AGBL4: variants seen among roughly 807,000 people sequenced by gnomAD.
The protein encoded by AGBL4 is cytosolic carboxypeptidase 6.
AGBL4 carries 58 observed loss-of-function variants against 66.4 expected under a neutral mutation model. That is an observed-to-expected ratio of 0.87 (90% CI 0.71 to 1.09). The LOEUF (loss-of-function observed/expected upper bound fraction) is 1.09, where lower values mean the gene tolerates loss of function less well. Ranked by LOEUF, AGBL4 falls within the 50% of genes least tolerant of loss-of-function variation. The pLI is 0.00. For missense variants in AGBL4, 579 were observed against 631.0 expected (o/e 0.92, Z 0.88); for synonymous variants, 234 against 222.9 (o/e 1.05, Z -0.44).
chr1:49,003,375 G>C (rs926999714), intron 5 of AGBL4, among the ~76,000 whole-genome samples: 2 of 152,078 alleles, frequency 1.3e-5, no homozygotes, highest in African/African-American at 4.8e-5. Flanking sequence ...TCCAGCCTGG[G>C]CAACAAGAGC....
At chr1:48,546,940 A>T (rs1644173355) in intron 11 of AGBL4, among the ~76,000 whole-genome samples, 1 of 151,934 alleles carries the variant, frequency 6.6e-6, no homozygotes, top group Non-Finnish European at 1.5e-5. Flanking sequence ...GAAAATGCAC[A>T]GAGTCTGTAC....
chr1:48,929,038 C>T (rs145003986), intron 5 of AGBL4, among the ~76,000 whole-genome samples: 38 of 152,284 alleles, frequency 2.5e-4, no homozygotes, highest in Non-Finnish European at 4.4e-4. Context: ...TAGATTGGTT[C>T]TGCTACCTGC....
At chr1:49,882,005 G>T (rs1214675450) in intron 1 of AGBL4, among the ~76,000 whole-genome samples, 3 of 152,086 alleles carry the variant, frequency 2.0e-5, no homozygotes, top group South Asian at 4.1e-4. Flanking sequence ...TTCTTCTAGG[G>T]TTTTTATGGT....
chr1:48,642,362 G>A (rs1484028665), intron 8 of AGBL4, among the ~76,000 whole-genome samples: 2 of 152,174 alleles, frequency 1.3e-5, no homozygotes, highest in African/African-American at 4.8e-5. Context: ...ATTCTTCCTA[G>A]TGGGTAATGA....
intron 4 of AGBL4, among the ~76,000 whole-genome samples, chr1:49,165,726 A>T (rs920643117): frequency 1.3e-5 from 2 of 151,804 alleles, no homozygotes; most frequent in Admixed American, 1.3e-4. Flanking sequence ...ATTAAATAAG[A>T]AAAAGATAGA....
chr1:49,834,201 T>C (rs1645781868), intron 2 of AGBL4, among the ~76,000 whole-genome samples: 1 of 152,154 alleles, frequency 6.6e-6, no homozygotes, highest in Admixed American at 6.5e-5. Flanking sequence ...CAGCAGTGAA[T>C]CTGTCTGTTC....
chr1:49,462,054 C>T (rs1646526086), intron 3 of AGBL4, among the ~76,000 whole-genome samples: 1 of 151,726 alleles, frequency 6.6e-6, no homozygotes, highest in South Asian at 2.1e-4. Flanking sequence ...CACCATCTTC[C>T]ACAATATTAG....
intron 3 of AGBL4, among the ~76,000 whole-genome samples, chr1:49,311,513 C>A (rs772007793): frequency 5.9e-5 from 9 of 151,818 alleles, no homozygotes; most frequent in Admixed American, 2.6e-4. Context: ...ATACTTTATG[C>A]CTAATAGCAA....
intron 2 of AGBL4, among the ~76,000 whole-genome samples, chr1:49,835,511 T>G (rs1275754038): frequency 6.6e-6 from 1 of 152,200 alleles, no homozygotes; most frequent in South Asian, 2.1e-4. Context: ...CTGATGGGTG[T>G]TGACTCTTTA....
At chr1:49,667,832 GAAGAA>G (rs1447748894) in intron 3 of AGBL4, among the ~76,000 whole-genome samples, 2 of 152,190 alleles carry the variant, frequency 1.3e-5, no homozygotes, top group Non-Finnish European at 2.9e-5. Context: ...GAAGAGGAAT[GAAGAA>G]AAGAACAGAG....
At chr1:49,984,019 A>G (rs543864695) in intron 1 of AGBL4, among the ~76,000 whole-genome samples, 1 of 152,366 alleles carries the variant, frequency 6.6e-6, no homozygotes, top group East Asian at 1.9e-4. Context: ...AGACTGATAG[A>G]GCAGACTCTT....
downstream of AGBL4, among the ~76,000 whole-genome samples, chr1:48,531,830 C>A (rs1489467595): frequency 6.6e-6 from 1 of 152,220 alleles, no homozygotes; most frequent in East Asian, 1.9e-4. Flanking sequence ...GGCTGGAGTG[C>A]GGTGGCATGA....
At position 49,160,969 on chromosome 1, in the gene AGBL4, G is replaced by C. The variant is rs4926799; in HGVS notation, c.377+84801C>G. Reference sequence around the variant, plus strand: ...TGGCAGTGAGAATTTTAAGCCAGTGGCTTTTAGCTTTCTGGGCTCCCTCGG... The same window carrying C: ...TGGCAGTGAGAATTTTAAGCCAGTGCCTTTTAGCTTTCTGGGCTCCCTCGG... On this transcript the variant is annotated intron_variant, in intron 4 of 13. Transcript: ENST00000371839. Among the ~76,000 whole-genome samples, 1,429 of 152,288 alleles carry C rather than the reference G, an allele frequency of 9.4e-3. 47 individuals carry two copies. Among genetic ancestry groups the C allele is most frequent in the Admixed American group, 0.07 (1,072 of 15,288 alleles).
chr1:49,857,383 T>C (rs943981465), intron 1 of AGBL4, among the ~76,000 whole-genome samples: 2 of 152,072 alleles, frequency 1.3e-5, no homozygotes, highest in Admixed American at 6.5e-5. Context: ...AATCCTAAAA[T>C]TGACATGGAA....
chr1:48,630,693 A>G (rs1237216378), intron 9 of AGBL4, among the ~76,000 whole-genome samples: 2 of 152,132 alleles, frequency 1.3e-5, no homozygotes, highest in Non-Finnish European at 2.9e-5. Context: ...TGAAATGCAA[A>G]CCTAATTTGT....
intron 3 of AGBL4, among the ~76,000 whole-genome samples, chr1:49,312,952 G>T (rs530333770): frequency 2.0e-5 from 3 of 151,950 alleles, no homozygotes; most frequent in Non-Finnish European, 2.9e-5. Context: ...GTATACACAT[G>T]CCAAGGTGGT....
intron 5 of AGBL4, among the ~76,000 whole-genome samples, chr1:48,950,374 A>C (rs1322941381): frequency 1.3e-5 from 2 of 152,234 alleles, no homozygotes; most frequent in African/African-American, 4.8e-5. Context: ...TTGGGATTAC[A>C]GGCGTGAGCC....
Position 49,640,207 on chromosome 1 carries a change from C to T in AGBL4, c.282+57106G>A, listed in dbSNP as rs1482832934. On this transcript the variant is annotated intron_variant, in intron 3 of 13. Coordinates refer to ENST00000371839, the MANE Select transcript of AGBL4 (RefSeq NM_032785.4). ...CATAAATGAAGCTTTACTCATTAGA[C>T]AACTTACTTTGAGATAGCTTTGTTA... Among the ~76,000 whole-genome samples, 3 of 152,270 alleles carry T rather than the reference C, an allele frequency of 2.0e-5. No homozygotes were observed. The East Asian group carries it at 5.8e-4, about 29-fold the overall frequency.
chr1:49,490,837 AC>A (rs1326086756), intron 3 of AGBL4, among the ~76,000 whole-genome samples: 1 of 151,734 alleles, frequency 6.6e-6, no homozygotes, highest in Non-Finnish European at 1.5e-5. Flanking sequence ...TGGAAAGAAA[AC>A]ACAATAAAAA....
Sources: allele counts gnomAD v4.1 joint callset (sites outside exome capture counted in the v4.1 genomes callset), GRCh38; gene constraint gnomAD v4.1.1; transcripts MANE v1.5; gene names NCBI Gene and HGNC (gene_info 2026-07-23, HGNC 2026-07-21).